The following SPMIP3 variants were observed in gnomAD, a reference collection of about 807,000 sequenced individuals.
SPMIP3 encodes the protein sperm microtubule inner protein 3, also known as protein SPMIP3.
the SPMIP3 span, among the ~76,000 whole-genome samples, chr1:244,363,188 C>T: frequency 1.3e-5 from 2 of 152,036 alleles, no homozygotes; most frequent in Admixed American, 6.6e-5. Flanking sequence ...GGTGGATCAC[C>T]TGAGGTCAGG....
the SPMIP3 span, among the ~76,000 whole-genome samples, chr1:244,367,507 G>C: frequency 6.6e-6 from 1 of 152,138 alleles, no homozygotes; most frequent in Non-Finnish European, 1.5e-5. Context: ...GGCACACAGA[G>C]CTGCCTCACG....
chr1:244,367,305 G>A, the SPMIP3 span, among the ~76,000 whole-genome samples: 3 of 152,160 alleles, frequency 2.0e-5, no homozygotes, highest in East Asian at 1.9e-4. Context: ...GCCCTGATCC[G>A]ATTTACTTTT....
chr1:244,365,601 C>T, the SPMIP3 span, among the ~76,000 whole-genome samples: 1 of 152,052 alleles, frequency 6.6e-6, no homozygotes, highest in Non-Finnish European at 1.5e-5. Flanking sequence ...TGAAAATGGG[C>T]TAATACAAGG....
the SPMIP3 span, among the ~76,000 whole-genome samples, chr1:244,355,165 C>T: frequency 7.2e-5 from 11 of 152,174 alleles, no homozygotes; most frequent in Non-Finnish European, 1.0e-4. Context: ...TGAACTTAAA[C>T]TTGTGGTTTA....
chr1:244,376,715 A>G, the SPMIP3 span, among the ~76,000 whole-genome samples: 2 of 152,210 alleles, frequency 1.3e-5, no homozygotes, highest in Non-Finnish European at 2.9e-5. Flanking sequence ...AATGAATTCA[A>G]TTCAATTCAA....
chr1:244,377,325 C>T, the SPMIP3 span, among the ~76,000 whole-genome samples: 6 of 151,620 alleles, frequency 4.0e-5, no homozygotes, highest in South Asian at 2.1e-4. Context: ...GGGGTTTCAC[C>T]GTGTTAGCCA....
chr1:244,364,306 C>T, the SPMIP3 span, among the ~76,000 whole-genome samples: 106 of 152,120 alleles, frequency 7.0e-4, no homozygotes, highest in African/African-American at 2.4e-3. Flanking sequence ...GGGGTTTCAC[C>T]GTGTTAGCCA....
the SPMIP3 span, among the ~76,000 whole-genome samples, chr1:244,382,771 T>A: frequency 6.6e-6 from 1 of 151,698 alleles, no homozygotes; most frequent in African/African-American, 2.4e-5. Flanking sequence ...GCCCAGCTAA[T>A]TTTTGTATTT....
At chr1:244,373,863 C>T in the SPMIP3 span, among the ~76,000 whole-genome samples, 4 of 152,142 alleles carry the variant, frequency 2.6e-5, no homozygotes, top group African/African-American at 7.2e-5. Flanking sequence ...CCTGTAATCC[C>T]AGCACTTTGG....
At chr1:244,354,448 C>A in the SPMIP3 span, among the ~76,000 whole-genome samples, 2 of 150,332 alleles carry the variant, frequency 1.3e-5, no homozygotes, top group Admixed American at 1.3e-4. Flanking sequence ...CTTCCACCTC[C>A]TGGTTCAAAC....
chr1:244,362,075 T>C, the SPMIP3 span, among the ~76,000 whole-genome samples: 4 of 152,268 alleles, frequency 2.6e-5, no homozygotes, highest in Non-Finnish European at 1.5e-5. Flanking sequence ...GATTAGGCTC[T>C]GTTGGATAGC....
chr1:244,372,617 G>C, the SPMIP3 span, among the ~76,000 whole-genome samples: 11 of 152,084 alleles, frequency 7.2e-5, no homozygotes, highest in South Asian at 2.3e-3. Context: ...CTAATTTTTT[G>C]TATTTTTAGT....
the SPMIP3 span, among the ~76,000 whole-genome samples, chr1:244,372,037 T>C: frequency 6.6e-6 from 1 of 152,344 alleles, no homozygotes; most frequent in East Asian, 1.9e-4. Flanking sequence ...TGCTCAGTGC[T>C]TGCCTTTCAT....
the SPMIP3 span, among the ~76,000 whole-genome samples, chr1:244,373,175 G>A: frequency 6.6e-6 from 1 of 151,566 alleles, no homozygotes; most frequent in African/African-American, 2.4e-5. Context: ...GAGCCCAGGA[G>A]TTCCAGACCA....
chr1:244,365,509 C>T, the SPMIP3 span, among the ~76,000 whole-genome samples: 3 of 152,258 alleles, frequency 2.0e-5, no homozygotes, highest in East Asian at 3.9e-4. Flanking sequence ...GTGAGGCCTC[C>T]CCAGCCGTGT....
chr1:244,367,020 G>A, the SPMIP3 span, among the ~76,000 whole-genome samples: 1 of 152,146 alleles, frequency 6.6e-6, no homozygotes, highest in Non-Finnish European at 1.5e-5. Context: ...GGTGTTCAGG[G>A]AACAGCTCTC....
chr1:244,378,564 C>T, the SPMIP3 span: 1 of 1,614,046 alleles, frequency 6.2e-7, no homozygotes, highest in South Asian at 1.1e-5. Flanking sequence ...TCTTCGAAGA[C>T]ATTCAAAGCC....
the SPMIP3 span, chr1:244,352,638 C>A: frequency 6.6e-6 from 1 of 152,244 alleles, no homozygotes; most frequent in Non-Finnish European, 1.5e-5. Flanking sequence ...CCCTGCCACT[C>A]TGCAGTTGAT....
At chr1:244,387,297 G>GAA in the SPMIP3 span, among the ~76,000 whole-genome samples, 1 of 133,838 alleles carries the variant, frequency 7.5e-6, no homozygotes. Context: ...GACTCCGTCT[G>GAA]AAAAAAAAAA....
Sources: allele counts gnomAD v4.1 joint callset (sites outside exome capture counted in the v4.1 genomes callset), GRCh38; gene constraint gnomAD v4.1.1; transcripts MANE v1.5; gene names NCBI Gene and HGNC (gene_info 2026-07-23, HGNC 2026-07-21).